RUBCN: variants seen among roughly 807,000 people sequenced by gnomAD.
RUBCN encodes the protein run domain Beclin-1-interacting and cysteine-rich domain-containing protein.
RUBCN carries 74 observed loss-of-function variants against 113.2 expected under a neutral mutation model. The observed-to-expected ratio is 0.65, with a 90% CI of 0.54 to 0.79. RUBCN has a LOEUF of 0.79. Ranked by LOEUF, RUBCN falls within the 30% of genes least tolerant of loss-of-function variation. RUBCN has a pLI of 0.00. For missense variants in RUBCN, 1,109 were observed against 1,251.7 expected (o/e 0.89, Z 1.72); for synonymous variants, 480 against 490.0 (o/e 0.98, Z 0.27).
chr3:197,696,977 G>T lies in RUBCN; in HGVS notation c.1334C>A (p.Pro445His), dbSNP rs372553512. ...YSGQSSEVST[P>H]SSLYMEYEGG... ...ACCATATTCCATGTACAGAGAGCTG[G>T]GTGTGCTGACTTCACTGCTTTGACC... Residue 445 changes from proline (P) to histidine (H), a missense_variant, in exon 8 of 20, where the codon CCC becomes CAC. By Grantham distance (77) the Pro-to-His change is moderately conservative (BLOSUM62 -2). This residue lies in a region of RUBCN where 736 missense variants were observed against 779.6 expected (regional missense o/e 0.94). Coordinates refer to ENST00000296343, the MANE Select transcript of RUBCN (RefSeq NM_014687.4). The T allele has an allele frequency of 6.2e-7, 1 of 1,602,524 alleles. No individual in the cohort carries two copies. Among genetic ancestry groups the T allele is most frequent in the South Asian group, 1.1e-5 (1 of 90,876 alleles).
At chr3:197,729,629 G>A (rs1727194583) in intron 1 of RUBCN, among the ~76,000 whole-genome samples, 1 of 152,132 alleles carries the variant, frequency 6.6e-6, no homozygotes, top group African/African-American at 2.4e-5. Context: ...CATCACCTGG[G>A]CTCACTGCAA....
intron 13 of RUBCN, 107 bp from the exon 14 acceptor site, chr3:197,682,722 G>A (rs1031986215): frequency 6.8e-7 from 1 of 1,463,036 alleles, no homozygotes; most frequent in South Asian, 1.2e-5. Context: ...CACAGTTGGG[G>A]TAAGTTCACA....
intron 1 of RUBCN, among the ~76,000 whole-genome samples, chr3:197,730,499 A>G (rs1285310946): frequency 6.6e-6 from 1 of 152,158 alleles, no homozygotes; most frequent in Non-Finnish European, 1.5e-5. Flanking sequence ...AGCAGAGCCC[A>G]GAGACAGAGA....
At position 197,672,742 on chromosome 3, in the gene RUBCN, G is replaced by C. The variant is rs1214783574; in HGVS notation, c.*2276C>G. 1 of 152,462 alleles carries C rather than the reference G, an allele frequency of 6.6e-6. No individual in the cohort carries two copies. The highest frequency in any genetic ancestry group is 2.4e-5 in the African/African-American group (1 of 41,478). 9.4% of individuals were successfully genotyped at this position (152,462 alleles called of 1,614,324 possible). On this transcript the variant is annotated 3_prime_UTR_variant, in exon 20 of 20. Transcript: ENST00000296343. ...GAGTCTCACTCTGTCACCCAGGCTG[G>C]AGTGCGGTGGCGCAATCTCGGCTCA...
At chr3:197,738,388 T>C (rs567142608), upstream of RUBCN, among the ~76,000 whole-genome samples, 8 of 152,342 alleles carry the variant, frequency 5.3e-5, no homozygotes, top group Non-Finnish European at 1.2e-4. Context: ...TAAAATAATA[T>C]ATGGCTTTTA....
chr3:197,743,660 T>C (rs1481690140), intron 1 of RUBCN, among the ~76,000 whole-genome samples: 1 of 152,166 alleles, frequency 6.6e-6, no homozygotes, highest in Non-Finnish European at 1.5e-5. Context: ...ATAAGTAGTT[T>C]AAGGGTGCTA....
chr3:197,703,996 G>A (rs1263977759), intron 4 of RUBCN, among the ~76,000 whole-genome samples: 3 of 152,186 alleles, frequency 2.0e-5, no homozygotes, highest in Admixed American at 6.5e-5. Context: ...CAGGAAACTC[G>A]TGGTAAATGG....
intron 1 of RUBCN, among the ~76,000 whole-genome samples, chr3:197,747,208 C>T (rs1728783350): frequency 6.6e-6 from 1 of 152,074 alleles, no homozygotes; most frequent in Non-Finnish European, 1.5e-5. Context: ...GCTTTCTTGC[C>T]TTTCCCTCTG....
chr3:197,715,015 C>T (rs1288554675), intron 2 of RUBCN, among the ~76,000 whole-genome samples: 1 of 152,058 alleles, frequency 6.6e-6, no homozygotes. Context: ...CTCGGCTAGG[C>T]GCAGTGGCTC....
Position 197,681,377 on chromosome 3 carries a change from C to G in RUBCN, c.2192-10G>C. 1 of 1,603,750 alleles carries G rather than the reference C, an allele frequency of 6.2e-7. No homozygotes were observed. The highest frequency in any genetic ancestry group is 8.5e-7 in the Non-Finnish European group (1 of 1,170,866). ...AGTCGCTTGATGTAATCTGGAAAAA[C>G]CGGAAAGCCAGAAAGCCAGATGTAA... is the stretch of plus-strand genomic sequence containing the variant. On this transcript the variant is annotated splice_polypyrimidine_tract_variant and intron_variant, in intron 15 of 19. Coordinates refer to ENST00000296343, the MANE Select transcript of RUBCN (RefSeq NM_014687.4). The surrounding 1 kb of genome is among the most constrained non-coding windows in gnomAD (Gnocchi z 5.5).
intron 1 of RUBCN, among the ~76,000 whole-genome samples, chr3:197,727,221 T>G (rs1726863306): frequency 6.6e-6 from 1 of 152,342 alleles, no homozygotes; most frequent in African/African-American, 2.4e-5. Context: ...ATTACAGGCG[T>G]GAGCCACCTC....
chr3:197,702,189 C>T (rs1363274529), intron 5 of RUBCN, among the ~76,000 whole-genome samples: 1 of 152,214 alleles, frequency 6.6e-6, no homozygotes, highest in Non-Finnish European at 1.5e-5. Context: ...CACTTATCAG[C>T]TATTTGATCC....
In RUBCN at chr3:197,693,727, A is replaced by G; in HGVS notation, c.1774T>C (p.Phe592Leu). The G allele has an allele frequency of 2.5e-6, 4 of 1,611,812 alleles. No homozygotes were observed. Among genetic ancestry groups the G allele is most frequent in the Non-Finnish European group, 1.7e-6 (2 of 1,177,852 alleles). ...TGTCACTTCTTACCTTGGATTTCAA[A>G]TTCATCAACCTCATCAGCAGAGCCA... ...DSGSADEVDE[F>L]EIQDADIRRN... Residue 592 changes from phenylalanine (F) to leucine (L), a missense_variant, in exon 11 of 20, where the codon TTT becomes CTT. By Grantham distance (22) the Phe-to-Leu change is conservative (BLOSUM62 0). Transcript: ENST00000296343.
chr3:197,715,676 T>G (rs1422051704), intron 2 of RUBCN, among the ~76,000 whole-genome samples: 1 of 152,154 alleles, frequency 6.6e-6, no homozygotes, highest in African/African-American at 2.4e-5. Context: ...AGCTAACACA[T>G]GAAGGAGCTG....
chr3:197,719,815 TTTGA>T lies in RUBCN; in HGVS notation c.66-1689_66-1686del, dbSNP rs553052298. On this transcript the variant is annotated intron_variant, in intron 1 of 19. Transcript: ENST00000296343. ...ATTTAGTGTCACCTTTTTAAAAAATTTTGATTGATACATAATTGTACATATTGAT... is the reference window on the plus strand; with the variant it reads ...ATTTAGTGTCACCTTTTTAAAAAATTTTGATACATAATTGTACATATTGAT... Among the ~76,000 whole-genome samples, 618 of 152,314 alleles carry T rather than the reference TTTGA, an allele frequency of 4.1e-3. 7 individuals are homozygous for T. The highest frequency in any genetic ancestry group is 0.014 in the African/African-American group (583 of 41,566).
At chr3:197,693,157 C>T (rs1357026335) in intron 11 of RUBCN, among the ~76,000 whole-genome samples, 2 of 152,064 alleles carry the variant, frequency 1.3e-5, no homozygotes, top group Non-Finnish European at 2.9e-5. Context: ...GACTGGAACC[C>T]CACTGTTCCT....
At chr3:197,677,882 A>G (rs1180169375) in intron 16 of RUBCN, among the ~76,000 whole-genome samples, 5 of 139,732 alleles carry the variant, frequency 3.6e-5, no homozygotes, top group African/African-American at 5.4e-5. Flanking sequence ...CCTATGCTCT[A>G]ACTCGACACC....
intron 1 of RUBCN, among the ~76,000 whole-genome samples, chr3:197,733,752 G>A (rs543339061): frequency 6.6e-6 from 1 of 152,138 alleles, no homozygotes; most frequent in African/African-American, 2.4e-5. Context: ...GACTTTGTGA[G>A]GATAACCCCA....
At chr3:197,691,552 T>C (rs957361811) in intron 11 of RUBCN, among the ~76,000 whole-genome samples, 11 of 152,188 alleles carry the variant, frequency 7.2e-5, no homozygotes, top group Admixed American at 2.6e-4. Context: ...AACCCCGGCC[T>C]AAGGTCTTTT....
Sources: gnomAD v4.1 joint callset for allele counts (sites outside exome capture counted in the v4.1 genomes callset) on GRCh38, gnomAD v4.1.1 for gene constraint, gnomAD v4.1.1 regional missense constraint, Gnocchi (gnomAD v3.1) non-coding constraint, MANE v1.5 for transcripts, NCBI Gene and HGNC (gene_info 2026-07-23, HGNC 2026-07-21) for gene names.